Variants in STPG4 observed in about 807,000 individuals in gnomAD.
STPG4 encodes the protein sperm-tail PG-rich repeat containing 4.
STPG4 carries 41 observed loss-of-function variants against 31.5 expected under a neutral mutation model. The ratio of observed to expected loss-of-function variants is 1.30; its 90% CI spans 1.01 to 1.69. STPG4 has a LOEUF of 1.69. Ranked by LOEUF, STPG4 falls within the 40% of genes most tolerant of loss-of-function variation. The probability of loss-of-function intolerance (pLI) is 0.00; values close to 1 mark genes in which losing one functional copy is unlikely to be tolerated. For synonymous variants in STPG4, 141 were observed against 103.0 expected (o/e 1.37, Z -2.24); for missense variants, 375 against 293.4 (o/e 1.28, Z -2.03).
At chr2:47,148,579 G>T (rs890656703) in intron 3 of STPG4, among the ~76,000 whole-genome samples, 8 of 151,990 alleles carry the variant, frequency 5.3e-5, no homozygotes, top group African/African-American at 1.9e-4. Flanking sequence ...TGTGCACAAT[G>T]TGCAGGTTTG....
chr2:47,125,693 G>C (rs1686350878), intron 5 of STPG4, among the ~76,000 whole-genome samples: 1 of 151,016 alleles, frequency 6.6e-6, no homozygotes, highest in East Asian at 2.0e-4. Flanking sequence ...GTTTTGTTTT[G>C]ATAATTTCAT....
chr2:47,101,286 C>T (rs1685794380), intron 5 of STPG4, among the ~76,000 whole-genome samples: 1 of 151,720 alleles, frequency 6.6e-6, no homozygotes, highest in Admixed American at 6.6e-5. Flanking sequence ...TTGCCTAGAA[C>T]CAGCTTCTGC....
chr2:47,152,038 C>T (rs534733055), intron 2 of STPG4, among the ~76,000 whole-genome samples: 30 of 152,108 alleles, frequency 2.0e-4, no homozygotes, highest in African/African-American at 6.5e-4. Context: ...GCTGGGATTA[C>T]AGGCGTGAGC....
chr2:47,117,138 G>C (rs1445602718), intron 5 of STPG4, among the ~76,000 whole-genome samples: 1 of 152,154 alleles, frequency 6.6e-6, no homozygotes, highest in African/African-American at 2.4e-5. Context: ...GCACTTGCTG[G>C]GAAGCTTATC....
At chr2:47,100,533 A>AG (rs1685773195) in intron 5 of STPG4, among the ~76,000 whole-genome samples, 2 of 149,568 alleles carry the variant, frequency 1.3e-5, no homozygotes, top group Admixed American at 1.3e-4. Flanking sequence ...GCCAGATAAG[A>AG]GAAAAAAAGC....
chr2:47,123,687 G>C (rs1686315495), intron 5 of STPG4, among the ~76,000 whole-genome samples: 1 of 151,176 alleles, frequency 6.6e-6, no homozygotes, highest in South Asian at 2.1e-4. Context: ...TATATCTTCA[G>C]ATATACTTTA....
intron 5 of STPG4, among the ~76,000 whole-genome samples, chr2:47,100,847 C>A (rs976080545): frequency 1.3e-5 from 2 of 151,756 alleles, no homozygotes; most frequent in Non-Finnish European, 1.5e-5. Flanking sequence ...AAGGAAGAAA[C>A]TCCGAACACA....
intron 5 of STPG4, among the ~76,000 whole-genome samples, chr2:47,126,193 T>G (rs1038950137): frequency 6.6e-6 from 1 of 152,232 alleles, no homozygotes; most frequent in Admixed American, 6.5e-5. Context: ...CAGGATGACT[T>G]TGGCTATTCT....
At chr2:47,126,627 T>C (rs1337964061) in intron 5 of STPG4, among the ~76,000 whole-genome samples, 1 of 152,164 alleles carries the variant, frequency 6.6e-6, no homozygotes, top group Non-Finnish European at 1.5e-5. Flanking sequence ...GCACCTGGCC[T>C]CAGATGATTT....
At chr2:47,110,181 G>A (rs1286570921) in intron 5 of STPG4, among the ~76,000 whole-genome samples, 1 of 152,156 alleles carries the variant, frequency 6.6e-6, no homozygotes, top group Non-Finnish European at 1.5e-5. Context: ...TCATACGAAT[G>A]ACTGAGTCCT....
chr2:47,148,434 T>TG (rs1686870196), intron 3 of STPG4, among the ~76,000 whole-genome samples: 1 of 151,116 alleles, frequency 6.6e-6, no homozygotes, highest in Admixed American at 6.6e-5. Flanking sequence ...AAATAAAAGT[T>TG]GAAAAAAAAA....
chr2:47,107,163 G>T (rs1174229136), intron 5 of STPG4, among the ~76,000 whole-genome samples: 1 of 152,050 alleles, frequency 6.6e-6, no homozygotes, highest in Non-Finnish European at 1.5e-5. Context: ...CCTCTGCCTG[G>T]GCTCCCACTT....
intron 5 of STPG4, among the ~76,000 whole-genome samples, chr2:47,095,229 G>C (rs1685645964): frequency 6.6e-6 from 1 of 152,214 alleles, no homozygotes; most frequent in African/African-American, 2.4e-5. Context: ...TTTGGAAATA[G>C]GGTTGTTGCA....
intron 3 of STPG4, among the ~76,000 whole-genome samples, chr2:47,132,615 T>G (rs1267531114): frequency 6.6e-6 from 1 of 152,238 alleles, no homozygotes; most frequent in Non-Finnish European, 1.5e-5. Flanking sequence ...AAAGGTATTC[T>G]TGTGTCATTC....
At chr2:47,117,455 T>C (rs150480636) in intron 5 of STPG4, among the ~76,000 whole-genome samples, 3,890 of 152,200 alleles carry the variant, frequency 0.026, 175 homozygotes, top group African/African-American at 0.089. Flanking sequence ...GTGATCTGCC[T>C]GCCTCGGCCT....
In STPG4 at chr2:47,087,070, T is replaced by G. The variant is rs1249501941; in HGVS notation, c.685A>C (p.Ile229Leu). ...CTATGCTCTTGGCCCATTTTGGCTA[T>G]GGTCGGAGACTGCTTAGGGAATTGT... ...LRQFPKQSPTIAKMGQEHSLF... is the reference protein window; with the variant it reads ...LRQFPKQSPTLAKMGQEHSLF... The change falls in exon 7 of 7, where the codon ATA becomes CTA. Residue 229 changes from isoleucine (I) to leucine (L), a missense_variant. By Grantham distance (5) the Ile-to-Leu change is conservative. Coordinates refer to ENST00000445927, the MANE Select transcript of STPG4 (RefSeq NM_001163561.2). The G allele has an allele frequency of 1.3e-6, 2 of 1,551,818 alleles. No homozygotes were observed. Among genetic ancestry groups the G allele is most frequent in the Middle Eastern group, 1.7e-4 (1 of 5,992 alleles).
chr2:47,110,856 A>G lies in STPG4; in HGVS notation c.519+19085T>C, dbSNP rs76521058. 2.7e-3 allele frequency among the ~76,000 whole-genome samples: 404 copies of G among 152,322 alleles called. 6 individuals are homozygous for G. In the East Asian group the frequency reaches 0.051, roughly 19 times the overall value. On this transcript the variant is annotated intron_variant, in intron 5 of 6. Transcript: ENST00000445927. ...CAATCATTGTTTAAAATGGCTGCCA[A>G]ATATTTTTTGGGTGGATACATAATA...
chr2:47,109,290 C>T (rs1440127192), intron 5 of STPG4, among the ~76,000 whole-genome samples: 1 of 152,212 alleles, frequency 6.6e-6, no homozygotes, highest in Non-Finnish European at 1.5e-5. Flanking sequence ...GGCGCAGTGG[C>T]TTATGCCTGT....
intron 3 of STPG4, among the ~76,000 whole-genome samples, chr2:47,130,672 G>A (rs938403024): frequency 2.0e-5 from 3 of 151,856 alleles, no homozygotes; most frequent in South Asian, 2.1e-4. Context: ...ACACCACCAC[G>A]CCCAGCTAAT....
Sources: allele counts gnomAD v4.1 joint callset (sites outside exome capture counted in the v4.1 genomes callset), GRCh38; gene constraint gnomAD v4.1.1; transcripts MANE v1.5; gene names NCBI Gene and HGNC (gene_info 2026-07-23, HGNC 2026-07-21).